Variants in RANBP2 observed in about 807,000 individuals in gnomAD.
The protein encoded by RANBP2 is RAN binding protein 2, also known as E3 SUMO-protein ligase RanBP2.
A neutral mutation model predicts 303.6 loss-of-function variants in RANBP2; 57 were observed. That is an observed-to-expected ratio of 0.19 (90% CI 0.15 to 0.23). The LOEUF (loss-of-function observed/expected upper bound fraction) is 0.23. Among genes scored for constraint, RANBP2 ranks in the 10% least tolerant of loss-of-function variants. RANBP2 has a pLI of 1.00. For synonymous variants in RANBP2, 1,167 were observed against 1,301.5 expected, an observed-to-expected ratio of 0.90 and a Z score of 2.23; for missense variants, 3,138 against 3,780.8, an observed-to-expected ratio of 0.83 and a Z score of 4.46.
intron 8 of RANBP2, among the ~76,000 whole-genome samples, chr2:108,748,190 C>T (rs1217851984): frequency 8.6e-5 from 13 of 151,386 alleles, no homozygotes; most frequent in African/African-American, 2.9e-4. Context: ...ACTCTGGGAA[C>T]GAGGCCTGGA....
chr2:109,609,791 G>A, the RANBP2 span, among the ~76,000 whole-genome samples: 7 of 152,042 alleles, frequency 4.6e-5, no homozygotes, highest in Admixed American at 1.3e-4. Flanking sequence ...TGACAAATGC[G>A]GACAGGAATT....
At chr2:109,505,957 G>A in the RANBP2 span, among the ~76,000 whole-genome samples, 1 of 152,200 alleles carries the variant, frequency 6.6e-6, no homozygotes, top group Non-Finnish European at 1.5e-5. Context: ...GAGGTATTCT[G>A]CCTATAGAAA....
At chr2:108,812,959 A>G in the RANBP2 span, 29 of 1,603,278 alleles carry the variant, frequency 1.8e-5, no homozygotes, top group Non-Finnish European at 2.4e-5. Flanking sequence ...ATATGATTGA[A>G]AATTTCTCGG....
chr2:109,257,139 C>G, the RANBP2 span, among the ~76,000 whole-genome samples: 1 of 152,148 alleles, frequency 6.6e-6, no homozygotes, highest in Non-Finnish European at 1.5e-5. Context: ...ACTCTGCAGC[C>G]GACATTCACT....
Position 108,766,529 on chromosome 2 carries a change from A to T in RANBP2, c.5990A>T (p.Glu1997Val). 2 of 1,611,980 alleles carry T rather than the reference A, an allele frequency of 1.2e-6. No homozygotes were observed. The highest frequency in any genetic ancestry group is 1.7e-6 in the Non-Finnish European group (2 of 1,179,852). The change falls in exon 20 of 29, where the codon GAG becomes GTG. Residue 1997 changes from glutamate (E) to valine (V), a missense_variant. Transcript: ENST00000283195. ...ANKANTSGDF[E>V]KDDDAYKTED... ...AAAGCAAACACTTCCGGTGACTTTG[A>T]GAAAGATGATGATGCCTATAAGACT...
chr2:109,694,406 C>CTTTT, the RANBP2 span, among the ~76,000 whole-genome samples: 7 of 137,918 alleles, frequency 5.1e-5, no homozygotes, highest in Admixed American at 7.4e-5. Context: ...AACTAAACCT[C>CTTTT]TTTTTTTTTT....
the RANBP2 span, among the ~76,000 whole-genome samples, chr2:109,419,012 C>T: frequency 1.3e-5 from 2 of 152,120 alleles, no homozygotes; most frequent in Admixed American, 6.5e-5. Flanking sequence ...GCTTAAAAAA[C>T]CCTTGAAGCT....
At chr2:109,557,449 G>A in the RANBP2 span, among the ~76,000 whole-genome samples, 1 of 152,132 alleles carries the variant, frequency 6.6e-6, no homozygotes, top group African/African-American at 2.4e-5. Context: ...AGAGTAATCT[G>A]CCCAAAGAAA....
At chr2:109,061,184 T>G in the RANBP2 span, among the ~76,000 whole-genome samples, 1 of 152,088 alleles carries the variant, frequency 6.6e-6, no homozygotes. Context: ...AGGAAAACCC[T>G]GGGAGCTGTG....
the RANBP2 span, among the ~76,000 whole-genome samples, chr2:109,320,598 C>G: frequency 6.6e-6 from 1 of 152,214 alleles, no homozygotes; most frequent in Non-Finnish European, 1.5e-5. Flanking sequence ...TGTCTAAACC[C>G]TCTGCTTACT....
Position 108,766,742 on chromosome 2 carries a change from A to T in RANBP2, c.6203A>T (p.Asn2068Ile). 6.2e-7 allele frequency: 1 copy of T among 1,612,024 alleles called. No homozygotes were observed. The highest frequency in any genetic ancestry group is 8.5e-7 in the Non-Finnish European group (1 of 1,179,848). The stretch of plus-strand genomic sequence containing the variant: ...TTAAAAATTCTCAAAAACGAGGTCA[A>T]TGGCAAACTAAGAATGCTGATGCGA... ...GNLKILKNEVNGKLRMLMRRE... is the reference protein window; with the variant it reads ...GNLKILKNEVIGKLRMLMRRE... The change falls in exon 20 of 29, where the codon AAT becomes ATT. Residue 2068 changes from asparagine (N) to isoleucine (I), a missense_variant. This residue lies in a region of RANBP2 where 103 missense variants were observed against 214.3 expected (regional missense o/e 0.48). Coordinates refer to ENST00000283195, the MANE Select transcript of RANBP2 (RefSeq NM_006267.5).
chr2:109,544,422 T>C, the RANBP2 span: 14 of 1,448,658 alleles, frequency 9.7e-6, no homozygotes, highest in South Asian at 1.9e-4. Flanking sequence ...TATCTGGCCA[T>C]GGGACTTTGA....
At chr2:109,325,837 C>G in the RANBP2 span, among the ~76,000 whole-genome samples, 1 of 152,194 alleles carries the variant, frequency 6.6e-6, no homozygotes, top group Non-Finnish European at 1.5e-5. Context: ...GAGCAGGGAC[C>G]ACACCTCCCT....
intron 4 of RANBP2, among the ~76,000 whole-genome samples, chr2:108,732,180 G>A (rs1351402610): frequency 2.0e-5 from 3 of 151,956 alleles, no homozygotes; most frequent in African/African-American, 7.3e-5. Flanking sequence ...CATTATATAT[G>A]TTTCTGATAG....
the RANBP2 span, among the ~76,000 whole-genome samples, chr2:109,721,558 C>T: frequency 6.6e-6 from 1 of 152,200 alleles, no homozygotes; most frequent in Non-Finnish European, 1.5e-5. Flanking sequence ...AAAAAAACAG[C>T]ATTGATCTCC....
the RANBP2 span, among the ~76,000 whole-genome samples, chr2:109,093,894 GAA>G: frequency 6.6e-6 from 1 of 152,186 alleles, no homozygotes; most frequent in Non-Finnish European, 1.5e-5. Context: ...CCCATTCTGG[GAA>G]AACCTCTGTT....
At chr2:109,661,372 G>C in the RANBP2 span, among the ~76,000 whole-genome samples, 1 of 151,732 alleles carries the variant, frequency 6.6e-6, no homozygotes, top group Non-Finnish European at 1.5e-5. Context: ...TCAGCCTCCC[G>C]AGTAGCTGGG....
the RANBP2 span, among the ~76,000 whole-genome samples, chr2:109,271,694 C>T: frequency 1.3e-5 from 2 of 152,194 alleles, no homozygotes; most frequent in African/African-American, 2.4e-5. Flanking sequence ...TCATTTAGGA[C>T]GAAGGGCCCC....
chr2:109,124,197 A>G, the RANBP2 span, among the ~76,000 whole-genome samples: 1 of 150,768 alleles, frequency 6.6e-6, no homozygotes, highest in African/African-American at 2.4e-5. Context: ...TTTTTGAGAC[A>G]GAGTCTCGCT....
Sources: allele counts gnomAD v4.1 joint callset (sites outside exome capture counted in the v4.1 genomes callset), GRCh38; gene constraint gnomAD v4.1.1; regional missense constraint gnomAD v4.1.1; transcripts MANE v1.5; gene names NCBI Gene and HGNC (gene_info 2026-07-23, HGNC 2026-07-21).